Variants in FAM81B observed in about 807,000 individuals in gnomAD.
FAM81B encodes the protein protein FAM81B.
A neutral mutation model predicts 58.7 loss-of-function variants in FAM81B; 60 were observed. The observed-to-expected ratio is 1.02, with a 90% CI of 0.83 to 1.27. The LOEUF (loss-of-function observed/expected upper bound fraction) is 1.27. Ranked by LOEUF, FAM81B falls within the 50% of genes most tolerant of loss-of-function variation. FAM81B has a pLI of 0.00. For missense variants in FAM81B, 491 were observed against 522.0 expected (o/e 0.94, Z 0.58); for synonymous variants, 189 against 179.6 (o/e 1.05, Z -0.42).
At chr5:95,418,143 T>C (rs1157655598) in intron 4 of FAM81B, among the ~76,000 whole-genome samples, 3 of 152,200 alleles carry the variant, frequency 2.0e-5, no homozygotes, top group African/African-American at 7.2e-5. Context: ...ATCCCACCCA[T>C]GGTGTGAATC....
At position 95,436,103 on chromosome 5, in the gene FAM81B, T is replaced by C. The variant is rs4473792; in HGVS notation, c.787-697T>C. ...TTAAAAGTGACTAGTTTAGGCATGA[T>C]TATGGGTTGCAATTCTGCCTCTATT... On this transcript the variant is annotated intron_variant, in intron 6 of 9. Transcript: ENST00000283357. Among the ~76,000 whole-genome samples the C allele has an allele frequency of 7.8e-3, 1,190 of 152,310 alleles. 17 individuals carry two copies. The highest frequency in any genetic ancestry group is 0.028 in the African/African-American group (1,150 of 41,570).
chr5:95,442,788 G>A lies in FAM81B; in HGVS notation c.894-3774G>A, dbSNP rs558205276. ...TAGTTTGAGAGTTCTACCTGTAGGT[G>A]TAAAGTTAGTAGAAAAACAGTATTT... On this transcript the variant is annotated intron_variant, in intron 7 of 9. Coordinates refer to ENST00000283357, the MANE Select transcript of FAM81B (RefSeq NM_152548.3). Among the ~76,000 whole-genome samples the A allele has an allele frequency of 1.3e-3, 192 of 152,318 alleles. 1 individual carries two copies. The highest frequency in any genetic ancestry group is 4.4e-3 in the African/African-American group (185 of 41,580).
intron 5 of FAM81B, among the ~76,000 whole-genome samples, chr5:95,426,624 G>A (rs891814665): frequency 1.3e-5 from 2 of 152,154 alleles, no homozygotes; most frequent in Non-Finnish European, 2.9e-5. Context: ...GACATTATTC[G>A]CATTGTCAAT....
chr5:95,414,129 T>C lies in FAM81B; in HGVS notation c.476T>C (p.Leu159Ser). The C allele has an allele frequency of 3.1e-6, 5 of 1,614,066 alleles. No homozygotes were observed. Among genetic ancestry groups the C allele is most frequent in the Non-Finnish European group, 3.4e-6 (4 of 1,179,988 alleles). ...AAAGAGGAATCGCTCGCCAGGAAGTTACTGGAAAGCCACATCCAGACCATC... is the reference window on the plus strand; with the variant it reads ...AAAGAGGAATCGCTCGCCAGGAAGTCACTGGAAAGCCACATCCAGACCATC... ...FRKEESLARK[L>S]LESHIQTITS... The change falls in exon 4 of 10, where the codon TTA becomes TCA. Residue 159 changes from leucine (L) to serine (S), a missense_variant. Transcript: ENST00000283357.
At chr5:95,428,955 G>T (rs769422651) in intron 6 of FAM81B, among the ~76,000 whole-genome samples, 1 of 152,072 alleles carries the variant, frequency 6.6e-6, no homozygotes, top group Non-Finnish European at 1.5e-5. Context: ...TCTACTCTAA[G>T]CATGCACTGC....
chr5:95,442,177 G>T (rs1361373872), intron 7 of FAM81B, among the ~76,000 whole-genome samples: 1 of 152,102 alleles, frequency 6.6e-6, no homozygotes, highest in African/African-American at 2.4e-5. Flanking sequence ...ATGAATGAAC[G>T]ATTTTTGAGC....
intron 3 of FAM81B, among the ~76,000 whole-genome samples, chr5:95,397,562 A>G (rs1262410489): frequency 6.6e-6 from 1 of 152,200 alleles, no homozygotes; most frequent in African/African-American, 2.4e-5. Flanking sequence ...ATCCCAGGAG[A>G]TGAGAAAATA....
intron 7 of FAM81B, among the ~76,000 whole-genome samples, chr5:95,443,529 T>C (rs887600812): frequency 6.6e-6 from 1 of 152,186 alleles, no homozygotes; most frequent in African/African-American, 2.4e-5. Flanking sequence ...ATCTAAAATG[T>C]GAATGTCATC....
intron 3 of FAM81B, among the ~76,000 whole-genome samples, chr5:95,407,919 A>G (rs970960325): frequency 6.6e-5 from 10 of 152,144 alleles, no homozygotes; most frequent in African/African-American, 2.2e-4. Flanking sequence ...TATTTATCTC[A>G]CAGTTTCTCA....
intron 2 of FAM81B, among the ~76,000 whole-genome samples, chr5:95,393,923 TATATA>T (rs1210229692): frequency 6.6e-6 from 1 of 152,204 alleles, no homozygotes; most frequent in African/African-American, 2.4e-5. Context: ...ACAGTTTTTA[TATATA>T]ATAACATCCT....
At chr5:95,419,779 G>A (rs1310348389) in intron 4 of FAM81B, among the ~76,000 whole-genome samples, 1 of 152,178 alleles carries the variant, frequency 6.6e-6, no homozygotes, top group African/African-American at 2.4e-5. Flanking sequence ...CTTGCGCTGT[G>A]TTAACTTCAT....
intron 5 of FAM81B, among the ~76,000 whole-genome samples, chr5:95,427,906 G>A (rs1269916476): frequency 1.3e-5 from 2 of 152,120 alleles, no homozygotes; most frequent in Admixed American, 6.6e-5. Context: ...CTAACATACT[G>A]GGAAGATAAT....
At chr5:95,410,330 C>T (rs982411618) in intron 3 of FAM81B, among the ~76,000 whole-genome samples, 4 of 152,172 alleles carry the variant, frequency 2.6e-5, no homozygotes, top group Admixed American at 1.3e-4. Context: ...TACCTCTCCA[C>T]TTCTTGTTAC....
At chr5:95,417,710 T>TC (rs1762573101) in intron 4 of FAM81B, among the ~76,000 whole-genome samples, 1 of 152,148 alleles carries the variant, frequency 6.6e-6, no homozygotes, top group Admixed American at 6.5e-5. Flanking sequence ...GTTTGTAGTA[T>TC]TTTCCTATTT....
intron 7 of FAM81B, among the ~76,000 whole-genome samples, chr5:95,442,280 C>A (rs1201564831): frequency 6.6e-6 from 1 of 152,048 alleles, no homozygotes; most frequent in African/African-American, 2.4e-5. Flanking sequence ...AAGCTAAACA[C>A]AGGAAAAGTA....
chr5:95,393,075 T>A (rs1390372300), intron 2 of FAM81B, among the ~76,000 whole-genome samples, 178 bp downstream of exon 2: 2 of 152,190 alleles, frequency 1.3e-5, no homozygotes, highest in Non-Finnish European at 2.9e-5. Flanking sequence ...ATGACCTCAA[T>A]TTACAATTTC....
At chr5:95,449,743 A>G (rs1024003414) in intron 9 of FAM81B, among the ~76,000 whole-genome samples, 9 of 152,210 alleles carry the variant, frequency 5.9e-5, no homozygotes, top group Admixed American at 1.3e-4. Context: ...TCCCTCAAAT[A>G]GGCTACTTTC....
At chr5:95,392,549 A>G (rs1761854297) in intron 1 of FAM81B, among the ~76,000 whole-genome samples, 1 of 152,210 alleles carries the variant, frequency 6.6e-6, no homozygotes, top group Non-Finnish European at 1.5e-5. Context: ...TGATCCTAAA[A>G]AAGTTTCTAA....
chr5:95,424,095 T>G, intron 5 of FAM81B: 3 of 1,289,772 alleles, frequency 2.3e-6, no homozygotes, highest in South Asian at 1.2e-5. Flanking sequence ...CTGGCTGAAG[T>G]GCGACAGGCT....
Sources: allele counts gnomAD v4.1 joint callset (sites outside exome capture counted in the v4.1 genomes callset), GRCh38; gene constraint gnomAD v4.1.1; transcripts MANE v1.5; gene names NCBI Gene and HGNC (gene_info 2026-07-23, HGNC 2026-07-21).